RALYL: variants seen among roughly 807,000 people sequenced by gnomAD.
RALYL encodes the protein RALY RNA binding protein like, also known as RNA-binding Raly-like protein.
RALYL carries 29 observed loss-of-function variants against 35.1 expected under a neutral mutation model. The ratio of observed to expected loss-of-function variants is 0.83; its 90% CI spans 0.61 to 1.13. The LOEUF (loss-of-function observed/expected upper bound fraction) is 1.13. RALYL is among the 50% of genes most tolerant of loss of function. RALYL has a pLI of 0.00. For synonymous variants in RALYL, 120 were observed against 127.6 expected (o/e 0.94, Z 0.40); for missense variants, 359 against 360.4 (o/e 1.00, Z 0.03).
intron 8 of RALYL, among the ~76,000 whole-genome samples, chr8:84,893,511 A>G (rs1844223455): frequency 6.6e-6 from 1 of 152,214 alleles, no homozygotes; most frequent in Non-Finnish European, 1.5e-5. Flanking sequence ...TAATTCAAAA[A>G]AGCAAATGAG....
At chr8:84,404,657 G>T (rs1318881664) in intron 1 of RALYL, among the ~76,000 whole-genome samples, 1 of 152,110 alleles carries the variant, frequency 6.6e-6, no homozygotes, top group Non-Finnish European at 1.5e-5. Flanking sequence ...TCCCTGCCAG[G>T]CTTTGGTATC....
intron 2 of RALYL, among the ~76,000 whole-genome samples, chr8:84,762,654 T>C (rs1812986710): frequency 6.6e-6 from 1 of 152,170 alleles, no homozygotes; most frequent in African/African-American, 2.4e-5. Flanking sequence ...GGTCCTGGCA[T>C]CACTAATTAT....
chr8:84,439,853 T>C (rs2048147542), intron 1 of RALYL, among the ~76,000 whole-genome samples: 1 of 152,094 alleles, frequency 6.6e-6, no homozygotes, highest in Non-Finnish European at 1.5e-5. Flanking sequence ...AATTATTTGA[T>C]TGGCTATGCT....
chr8:84,436,597 T>C (rs2047757964), intron 1 of RALYL, among the ~76,000 whole-genome samples: 1 of 142,162 alleles, frequency 7.0e-6, no homozygotes, highest in South Asian at 2.4e-4. Context: ...TTATTTATTG[T>C]TTGGGAAGAC....
intron 1 of RALYL, among the ~76,000 whole-genome samples, chr8:84,223,138 CTTTCCTTTCCTTTCCTTTCT>C (rs1822770714): frequency 8.3e-6 from 1 of 120,576 alleles, no homozygotes; most frequent in African/African-American, 3.5e-5. Context: ...CTTTCCTTTC[CTTTCCTTTCCTTTCCTTTCT>C]TTCCTTCCTC....
intron 2 of RALYL, among the ~76,000 whole-genome samples, chr8:84,712,989 C>T (rs77444598): frequency 0.011 from 1,597 of 152,048 alleles, 35 homozygotes; most frequent in African/African-American, 0.036. Flanking sequence ...TCTGTTTTTG[C>T]TTGTATTACC....
At chr8:84,418,066 T>C (rs73306316) in intron 1 of RALYL, among the ~76,000 whole-genome samples, 4,465 of 152,258 alleles carry the variant, frequency 0.029, 218 homozygotes, top group African/African-American at 0.1. Flanking sequence ...CCTGGTTTTT[T>C]CCAACACACA....
chr8:84,842,782 G>T (rs978099334), intron 4 of RALYL, among the ~76,000 whole-genome samples: 1 of 152,088 alleles, frequency 6.6e-6, no homozygotes, highest in Non-Finnish European at 1.5e-5. Context: ...GATCAAGTGG[G>T]CTTCATCCCT....
At chr8:84,377,464 T>TTG (rs1563816455) in intron 1 of RALYL, among the ~76,000 whole-genome samples, 1 of 148,774 alleles carries the variant, frequency 6.7e-6, no homozygotes, top group Admixed American at 6.7e-5. Context: ...TTTTTTTTTT[T>TTG]TTTTTTTTTT....
At chr8:84,249,539 A>C (rs1443794243) in intron 1 of RALYL, among the ~76,000 whole-genome samples, 1 of 152,156 alleles carries the variant, frequency 6.6e-6, no homozygotes, top group African/African-American at 2.4e-5. Flanking sequence ...TATTTTTACA[A>C]TTCTACAATT....
At chr8:84,804,903 C>T (rs1438976929) in intron 4 of RALYL, 101 bp downstream of exon 4, 1 of 601,750 alleles carries the variant, frequency 1.7e-6, no homozygotes, top group African/African-American at 1.9e-5. Context: ...TATTCAAAAT[C>T]ATAACATATC....
chr8:84,480,027 T>C (rs1564006371), intron 1 of RALYL, among the ~76,000 whole-genome samples: 2 of 152,134 alleles, frequency 1.3e-5, no homozygotes, highest in African/African-American at 2.4e-5. Flanking sequence ...TAATTTAATC[T>C]TGCTGGAAAA....
At chr8:84,736,138 A>T (rs1847270848) in intron 2 of RALYL, among the ~76,000 whole-genome samples, 1 of 152,096 alleles carries the variant, frequency 6.6e-6, no homozygotes, top group Non-Finnish European at 1.5e-5. Flanking sequence ...TAATAAGAAA[A>T]ATATTATATC....
intron 1 of RALYL, among the ~76,000 whole-genome samples, chr8:84,357,756 CGT>C (rs902258999): frequency 7.6e-6 from 1 of 131,682 alleles, no homozygotes; most frequent in African/African-American, 2.8e-5. Flanking sequence ...TTTAGCTTGT[CGT>C]ATATATATAA....
At chr8:84,766,475 C>G (rs187484081) in intron 2 of RALYL, among the ~76,000 whole-genome samples, 1 of 150,968 alleles carries the variant, frequency 6.6e-6, no homozygotes, top group Non-Finnish European at 1.5e-5. Flanking sequence ...GGGTGGATCA[C>G]GAGTTCAGGA....
In RALYL at chr8:84,362,937, G is replaced by A. The variant is rs557040179; in HGVS notation, c.-23-166362G>A. Among the ~76,000 whole-genome samples the A allele has an allele frequency of 3.9e-5, 6 of 152,206 alleles. No individual in the cohort carries two copies. The East Asian group carries it at 9.7e-4, about 25-fold the overall frequency. On this transcript the variant is annotated intron_variant, in intron 1 of 8. Coordinates refer to ENST00000521268, the MANE Select transcript of RALYL (RefSeq NM_173848.7). ...GGGATTAAACCTTATACAATTGCAG[G>A]ACACAGTGGGGAAATAAGTGTCTGA...
At chr8:84,457,527 CT>C (rs2050272423) in intron 1 of RALYL, among the ~76,000 whole-genome samples, 1 of 151,736 alleles carries the variant, frequency 6.6e-6, no homozygotes, top group African/African-American at 2.4e-5. Flanking sequence ...AATGTTTCAC[CT>C]TTAGAAAGTT....
intron 6 of RALYL, chr8:84,864,611 T>C (rs565403212): frequency 3.7e-6 from 1 of 267,238 alleles, no homozygotes; most frequent in Admixed American, 4.5e-5. Flanking sequence ...AAATCTAAGC[T>C]TGGAGGTAGA....
At chr8:84,308,166 A>G (rs974369467) in intron 1 of RALYL, among the ~76,000 whole-genome samples, 2 of 152,154 alleles carry the variant, frequency 1.3e-5, no homozygotes, top group South Asian at 2.1e-4. Flanking sequence ...TACACGGAAA[A>G]AAAAAGGAAC....
Sources: gnomAD v4.1 joint callset for allele counts (sites outside exome capture counted in the v4.1 genomes callset) on GRCh38, gnomAD v4.1.1 for gene constraint, MANE v1.5 for transcripts, NCBI Gene and HGNC (gene_info 2026-07-23, HGNC 2026-07-21) for gene names.